OSBPL2: variants seen among roughly 807,000 people sequenced by gnomAD.
OSBPL2 encodes oxysterol binding protein like 2.
OSBPL2 carries 18 observed loss-of-function variants against 58.4 expected under a neutral mutation model. That is an observed-to-expected ratio of 0.31 (90% CI 0.21 to 0.46). OSBPL2 has a LOEUF of 0.46. Among genes scored for constraint, OSBPL2 ranks in the 20% least tolerant of loss-of-function variants. The probability of loss-of-function intolerance (pLI) is 1.00; values close to 1 mark genes in which losing one functional copy is unlikely to be tolerated. For synonymous variants in OSBPL2, 221 were observed against 234.1 expected, an observed-to-expected ratio of 0.94 and a Z score of 0.51; for missense variants, 461 against 616.5, an observed-to-expected ratio of 0.75 and a Z score of 2.67.
At chr20:62,277,449 A>G (rs927031488) in intron 6 of OSBPL2, among the ~76,000 whole-genome samples, 8 of 152,186 alleles carry the variant, frequency 5.3e-5, no homozygotes, top group Non-Finnish European at 1.0e-4. Context: ...GCACCTTCGC[A>G]ACGCCGAGAC....
intron 7 of OSBPL2, 69 bp downstream of exon 7, chr20:62,279,408 G>C (rs1286972643): frequency 2.7e-6 from 4 of 1,495,698 alleles, no homozygotes; most frequent in Non-Finnish European, 3.7e-6. Context: ...GTGATGTGGA[G>C]GGAAAGCTTC....
chr20:62,265,867 C>T (rs1981628750), intron 4 of OSBPL2, among the ~76,000 whole-genome samples: 1 of 152,160 alleles, frequency 6.6e-6, no homozygotes, highest in Non-Finnish European at 1.5e-5. Context: ...GGTAGTAGCT[C>T]ATGCCCTCAG....
intron 11 of OSBPL2, among the ~76,000 whole-genome samples, chr20:62,287,222 CAA>C (rs1457955410): frequency 1.3e-5 from 2 of 151,734 alleles, no homozygotes; most frequent in Non-Finnish European, 2.9e-5. Context: ...TGTTTTATGA[CAA>C]ATAAAATATG....
At chr20:62,257,416 C>G (rs1038689289) in intron 2 of OSBPL2, among the ~76,000 whole-genome samples, 1 of 152,210 alleles carries the variant, frequency 6.6e-6, no homozygotes, top group Non-Finnish European at 1.5e-5. Flanking sequence ...GGCTCAATTT[C>G]GAAGTCATTT....
intron 4 of OSBPL2, chr20:62,271,816 C>A: frequency 3.2e-6 from 1 of 315,610 alleles, no homozygotes; most frequent in Non-Finnish European, 5.9e-6. Flanking sequence ...GCAGGTGGGC[C>A]CAAGAGCCCT....
At chr20:62,252,163 C>A (rs984480740) in intron 1 of OSBPL2, among the ~76,000 whole-genome samples, 4 of 151,962 alleles carry the variant, frequency 2.6e-5, no homozygotes, top group African/African-American at 9.7e-5. Flanking sequence ...AGTTTACAAG[C>A]GGGAACCACT....
intron 11 of OSBPL2, among the ~76,000 whole-genome samples, chr20:62,287,513 G>T (rs1983210837): frequency 6.6e-6 from 1 of 152,220 alleles, no homozygotes; most frequent in Non-Finnish European, 1.5e-5. Flanking sequence ...CTGCAGTGCA[G>T]TGGTGTGATC....
intron 6 of OSBPL2, among the ~76,000 whole-genome samples, chr20:62,275,895 G>A (rs1015469384): frequency 3.4e-5 from 5 of 147,392 alleles, no homozygotes; most frequent in Non-Finnish European, 7.4e-5. Context: ...TATTTTATGT[G>A]TTATTAATGA....
chr20:62,247,845 A>G (rs139742690), intron 1 of OSBPL2, among the ~76,000 whole-genome samples: 2,346 of 151,740 alleles, frequency 0.015, 29 homozygotes, highest in Non-Finnish European at 0.023. Context: ...TTGTATTTTT[A>G]GTAGAGATGG....
intron 4 of OSBPL2, among the ~76,000 whole-genome samples, chr20:62,270,226 C>T (rs1981968984): frequency 6.6e-6 from 1 of 152,174 alleles, no homozygotes; most frequent in Admixed American, 6.5e-5. Flanking sequence ...CTTAGCAGCT[C>T]ATGTGTGTGT....
intron 3 of OSBPL2, among the ~76,000 whole-genome samples, chr20:62,261,906 G>A (rs1431634379): frequency 6.6e-6 from 1 of 152,144 alleles, no homozygotes; most frequent in Non-Finnish European, 1.5e-5. Context: ...TTACAGGCAT[G>A]TGCCACCATG....
chr20:62,240,952 T>G (rs1363392107), intron 1 of OSBPL2, among the ~76,000 whole-genome samples: 1 of 152,138 alleles, frequency 6.6e-6, no homozygotes, highest in East Asian at 1.9e-4. Flanking sequence ...GACTCTGAGG[T>G]CTCCGTTCTG....
intron 1 of OSBPL2, among the ~76,000 whole-genome samples, chr20:62,248,987 C>T (rs1254822781): frequency 3.3e-5 from 5 of 152,142 alleles, no homozygotes; most frequent in Admixed American, 6.6e-5. Context: ...TGTGAGCCAC[C>T]GTGCAGGGCC....
intron 10 of OSBPL2, 101 bp downstream of exon 10, chr20:62,284,270 T>G: frequency 1.4e-6 from 2 of 1,411,876 alleles, no homozygotes; most frequent in Non-Finnish European, 2.0e-6. Flanking sequence ...CAGGGAACCT[T>G]TGGGCCCCAC....
At position 62,294,911 on chromosome 20, in the gene OSBPL2, A is replaced by T. The variant is rs1427789366; in HGVS notation, c.*1024A>T. On this transcript the variant is annotated 3_prime_UTR_variant, in exon 14 of 14. Transcript: ENST00000313733. The stretch of plus-strand genomic sequence containing the variant: ...AAAATAGGTATGTGTCCATCTCAGC[A>T]TTCACCTTTATCAAGTGACTGATTT... The T allele has an allele frequency of 6.6e-6, 1 of 150,910 alleles. No individual in the cohort carries two copies. Among genetic ancestry groups the T allele is most frequent in the Non-Finnish European group, 1.5e-5 (1 of 67,804 alleles). 9.3% of individuals were successfully genotyped at this position (150,910 alleles called of 1,614,324 possible).
chr20:62,250,215 CA>C, intron 1 of OSBPL2, among the ~76,000 whole-genome samples: 1 of 152,234 alleles, frequency 6.6e-6, no homozygotes. Flanking sequence ...CTTGCATAGT[CA>C]TCTGTATAGT....
intron 12 of OSBPL2, among the ~76,000 whole-genome samples, chr20:62,289,979 A>G (rs1331946217): frequency 2.0e-5 from 3 of 152,218 alleles, no homozygotes; most frequent in Admixed American, 2.0e-4. Flanking sequence ...TATTAAATTA[A>G]ACAAAAGTTA....
At chr20:62,273,174 T>C in intron 5 of OSBPL2, 135 bp from the exon 6 acceptor site, 2 of 717,976 alleles carry the variant, frequency 2.8e-6, no homozygotes, top group South Asian at 1.6e-5. Flanking sequence ...GACACACTGC[T>C]CGGGGAAAAC....
intron 1 of OSBPL2, among the ~76,000 whole-genome samples, chr20:62,241,540 G>A (rs947044424): frequency 2.0e-5 from 3 of 152,272 alleles, no homozygotes; most frequent in African/African-American, 7.2e-5. Flanking sequence ...CCCCATGCAA[G>A]CCATGTCTTG....
Sources: allele counts gnomAD v4.1 joint callset (sites outside exome capture counted in the v4.1 genomes callset), GRCh38; gene constraint gnomAD v4.1.1; transcripts MANE v1.5; gene names NCBI Gene and HGNC (gene_info 2026-07-23, HGNC 2026-07-21).